Variants in PDK1 observed in about 807,000 individuals in gnomAD.
PDK1 encodes the protein pyruvate dehydrogenase kinase 1.
PDK1 carries 39 observed loss-of-function variants against 54.2 expected under a neutral mutation model. The ratio of observed to expected loss-of-function variants is 0.72; its 90% CI spans 0.56 to 0.94. PDK1 has a LOEUF of 0.94. PDK1 is among the 40% of genes least tolerant of loss of function. The pLI is 0.00. For synonymous variants in PDK1, 221 were observed against 207.1 expected (o/e 1.07, Z -0.58); for missense variants, 552 against 566.0 (o/e 0.98, Z 0.25).
the PDK1 span, among the ~76,000 whole-genome samples, chr2:172,631,156 C>T: frequency 6.6e-6 from 1 of 152,212 alleles, no homozygotes; most frequent in Non-Finnish European, 1.5e-5. Flanking sequence ...CCCTTTCTTG[C>T]TGTTTTGTGG....
chr2:172,592,473 TTGTCTCTCTCTTCCTC>T (rs1437733215), intron 9 of PDK1, among the ~76,000 whole-genome samples: 1 of 152,006 alleles, frequency 6.6e-6, no homozygotes, highest in African/African-American at 2.4e-5. Flanking sequence ...GACTCCCTCT[TTGTCTCTCTCTTCCTC>T]TGTCTCTCTC....
At chr2:172,686,321 T>A in the PDK1 span, among the ~76,000 whole-genome samples, 12 of 152,214 alleles carry the variant, frequency 7.9e-5, no homozygotes, top group African/African-American at 2.9e-4. Context: ...AAGAGGTTTG[T>A]AAAATGCACC....
the PDK1 span, among the ~76,000 whole-genome samples, chr2:172,623,803 G>A: frequency 2.0e-5 from 3 of 152,278 alleles, no homozygotes; most frequent in South Asian, 4.1e-4. Context: ...CTTACACAAT[G>A]GAAATGTTTA....
At chr2:172,565,123 A>G in intron 5 of PDK1, 50 bp downstream of exon 5, 1 of 1,095,052 alleles carries the variant, frequency 9.1e-7, no homozygotes, top group Non-Finnish European at 1.4e-6. Context: ...AATCAAAATT[A>G]TTGTTATTTC....
chr2:172,613,640 A>T (rs559826784), downstream of PDK1, among the ~76,000 whole-genome samples: 1 of 152,032 alleles, frequency 6.6e-6, no homozygotes, highest in Non-Finnish European at 1.5e-5. Context: ...CTTATTCCCT[A>T]TCAGATAGTC....
chr2:172,686,470 C>T, the PDK1 span, among the ~76,000 whole-genome samples: 1 of 152,138 alleles, frequency 6.6e-6, no homozygotes, highest in African/African-American at 2.4e-5. Context: ...GACCAATCAG[C>T]ACACTGTAAA....
chr2:172,591,786 A>T (rs1252829143), intron 9 of PDK1, among the ~76,000 whole-genome samples: 2 of 152,244 alleles, frequency 1.3e-5, no homozygotes, highest in African/African-American at 4.8e-5. Flanking sequence ...AATTTCAATT[A>T]TTCCTTGCTA....
chr2:172,612,819 C>G (rs1691504406), downstream of PDK1, among the ~76,000 whole-genome samples: 1 of 152,144 alleles, frequency 6.6e-6, no homozygotes, highest in Non-Finnish European at 1.5e-5. Flanking sequence ...GCCACCACAC[C>G]TGGCTAATTT....
Position 172,556,242 on chromosome 2 carries a change from A to ACTCGGG in PDK1, c.96_101dup (p.Gly33_Ser34dup). 1 of 1,465,956 alleles carries ACTCGGG rather than the reference A, an allele frequency of 6.8e-7. No individual in the cohort carries two copies. The highest frequency in any genetic ancestry group is 1.3e-5 in the South Asian group (1 of 76,080). 90.8% of individuals were successfully genotyped at this position (1,465,956 alleles called of 1,614,324 possible). The stretch of plus-strand genomic sequence containing the variant: ...GGCTTCAGCCGCAGCTTCAGCTCGG[A>ACTCGGG]CTCGGGCTCCAGCCCGGCGTCCGAG... On this transcript the variant is annotated inframe_insertion, in exon 1 of 11. Transcript: ENST00000282077.
At chr2:172,680,117 A>G in the PDK1 span, among the ~76,000 whole-genome samples, 1 of 152,138 alleles carries the variant, frequency 6.6e-6, no homozygotes. Context: ...TCAACCCCTA[A>G]TATACCAAAT....
chr2:172,566,989 G>A (rs1688990601), intron 6 of PDK1, 56 bp downstream of exon 6: 2 of 1,167,798 alleles, frequency 1.7e-6, no homozygotes, highest in African/African-American at 1.5e-5. Flanking sequence ...CTTGATAAGG[G>A]ATAAGAATTT....
At chr2:172,684,863 C>A in the PDK1 span, among the ~76,000 whole-genome samples, 1 of 152,170 alleles carries the variant, frequency 6.6e-6, no homozygotes, top group East Asian at 1.9e-4. Flanking sequence ...ATGTCCCTAT[C>A]CAAATCTCAT....
chr2:172,593,005 A>T lies in PDK1; in HGVS notation c.1127A>T (p.Tyr376Phe). The T allele has an allele frequency of 6.2e-7, 1 of 1,610,180 alleles. No homozygotes were observed. Among genetic ancestry groups the T allele is most frequent in the Non-Finnish European group, 8.5e-7 (1 of 1,176,626 alleles). The stretch of plus-strand genomic sequence containing the variant: ...TACTTCCAAGGAGACCTGAAGCTGT[A>T]TTCCCTAGAGGGTTACGGGACAGAT... ...AQYFQGDLKL[Y>F]SLEGYGTDAV... The change falls in exon 10 of 11, where the codon TAT (tyrosine) becomes TTT (phenylalanine). Residue 376 changes from tyrosine to phenylalanine, a missense_variant. Tyr to Phe is a conservative substitution (Grantham distance 22). Transcript: ENST00000282077.
chr2:172,669,805 C>T, the PDK1 span, among the ~76,000 whole-genome samples: 1 of 152,142 alleles, frequency 6.6e-6, no homozygotes, highest in Admixed American at 6.5e-5. Context: ...CGTCTTCTTT[C>T]GAGAGACATC....
chr2:172,562,343 G>A (rs752211677), intron 3 of PDK1, 52 bp downstream of exon 3: 2 of 1,093,606 alleles, frequency 1.8e-6, no homozygotes, highest in South Asian at 1.3e-5. Context: ...GGTCACTTGG[G>A]GGAAATTGGT....
At chr2:172,577,186 T>TA (rs771722988) in intron 8 of PDK1, among the ~76,000 whole-genome samples, 1 of 152,172 alleles carries the variant, frequency 6.6e-6, no homozygotes, top group Non-Finnish European at 1.5e-5. Flanking sequence ...CTTATATCAT[T>TA]AAAAAATGTA....
the PDK1 span, among the ~76,000 whole-genome samples, chr2:172,645,260 CTTTTTTTTTTTT>C: frequency 1.5e-3 from 75 of 51,144 alleles, no homozygotes; most frequent in African/African-American, 4.6e-3. Context: ...ACAAAATAGG[CTTTTTTTTTTTT>C]TTTTTTTTTT....
chr2:172,661,264 CT>C, the PDK1 span, among the ~76,000 whole-genome samples: 5 of 152,106 alleles, frequency 3.3e-5, no homozygotes, highest in African/African-American at 1.2e-4. Context: ...ATTTTGCAAC[CT>C]GGTGGTCAAA....
chr2:172,586,447 C>A, intron 9 of PDK1, 59 bp downstream of exon 9: 2 of 1,024,314 alleles, frequency 2.0e-6, no homozygotes, highest in Admixed American at 1.8e-5. Context: ...CATGCTGTAG[C>A]TGCCAAATAA....
Sources: allele counts gnomAD v4.1 joint callset (sites outside exome capture counted in the v4.1 genomes callset), GRCh38; gene constraint gnomAD v4.1.1; transcripts MANE v1.5; gene names NCBI Gene and HGNC (gene_info 2026-07-23, HGNC 2026-07-21).